Variants in FBXL13 observed in about 807,000 individuals in gnomAD.
FBXL13 encodes F-box and leucine rich repeat protein 13, also known as F-box and leucine-rich repeat protein 13.
Under a neutral mutation model 83.6 loss-of-function variants are expected in FBXL13, and 67 were observed. The observed-to-expected ratio is 0.80, with a 90% CI of 0.66 to 0.98. FBXL13 has a LOEUF of 0.98. Among genes scored for constraint, FBXL13 ranks in the 50% least tolerant of loss-of-function variants. The pLI is 0.00. For missense variants in FBXL13, 822 were observed against 866.5 expected, an observed-to-expected ratio of 0.95 and a Z score of 0.64; for synonymous variants, 272 against 299.5, an observed-to-expected ratio of 0.91 and a Z score of 0.95.
rs1250897234 is a variant in FBXL13 at position 102,813,359 on chromosome 7, C to T, written c.2191G>A (p.Glu731Lys). 1.9e-6 allele frequency: 3 copies of T among 1,612,550 alleles called. No homozygotes were observed. In the African/African-American group the frequency reaches 4.0e-5, roughly 22 times the overall value. ...GCTGAAGGTCACGCTGCTTGGTCTTCACTGCTGTATGTTGACTTTTTCACT... is the reference window on the plus strand; with the variant it reads ...GCTGAAGGTCACGCTGCTTGGTCTTTACTGCTGTATGTTGACTTTTTCACT... Residue 731 changes from glutamate (E) to lysine (K), a missense_variant, in exon 20 of 20, where the codon GAA becomes AAA. Coordinates refer to ENST00000313221, the Ensembl canonical transcript of FBXL13.
rs1338626549 is a variant in FBXL13 at position 102,854,762 on chromosome 7, T to C, written c.1719+15A>G. 6.9e-7 allele frequency: 1 copy of C among 1,457,924 alleles called. No individual in the cohort carries two copies. Among genetic ancestry groups the C allele is most frequent in the Non-Finnish European group, 9.4e-7 (1 of 1,069,472 alleles). The allele number at this position is 1,457,924 out of a possible 1,614,324, so 90.3% of individuals were successfully genotyped here. ...TCAATCTTAATTCTTTAACAGATGA[T>C]CTTAATGATCTTACCTGAATTCCAT... On this transcript the variant is annotated intron_variant, in intron 17 of 19. Coordinates refer to ENST00000313221, the Ensembl canonical transcript of FBXL13.
intron 1 of FBXL13, among the ~76,000 whole-genome samples, chr7:103,063,209 T>C (rs1292094616): frequency 6.6e-6 from 1 of 152,152 alleles, no homozygotes; most frequent in Non-Finnish European, 1.5e-5. Context: ...GGGTCCTGCA[T>C]CCATAGATTC....
At chr7:103,051,543 T>C (rs1049782898) in intron 2 of FBXL13, among the ~76,000 whole-genome samples, 5 of 152,196 alleles carry the variant, frequency 3.3e-5, no homozygotes, top group African/African-American at 1.2e-4. Context: ...ACCTTGTTTG[T>C]TCAGTTCACT....
At chr7:102,971,981 G>A (rs1826736695) in intron 6 of FBXL13, among the ~76,000 whole-genome samples, 1 of 151,000 alleles carries the variant, frequency 6.6e-6, no homozygotes, top group African/African-American at 2.4e-5. Flanking sequence ...AGCCAAGATT[G>A]TGCCACTGCA....
intron 6 of FBXL13, among the ~76,000 whole-genome samples, chr7:103,017,793 A>C (rs993440888): frequency 6.6e-6 from 1 of 152,210 alleles, no homozygotes; most frequent in African/African-American, 2.4e-5. Flanking sequence ...GTAAAAAGAA[A>C]TGAACAAAGC....
At chr7:102,916,875 T>C (rs1220673580) in intron 10 of FBXL13, among the ~76,000 whole-genome samples, 1 of 152,204 alleles carries the variant, frequency 6.6e-6, no homozygotes. Context: ...TTACAATTCT[T>C]ATAGAAACTA....
At chr7:102,931,824 C>T (rs1819230653) in intron 9 of FBXL13, 57 bp downstream of exon 10, 4 of 1,509,642 alleles carry the variant, frequency 2.6e-6, no homozygotes, top group Non-Finnish European at 3.7e-6. Flanking sequence ...ATATTGGCAC[C>T]CCAATGTAGC....
intron 19 of FBXL13, chr7:102,814,365 T>G (rs894314592): frequency 1.3e-5 from 2 of 152,204 alleles, no homozygotes; most frequent in Admixed American, 6.5e-5. Context: ...GTCTGGAAAC[T>G]GAGTCATTGA....
rs190837113 is a variant in FBXL13 at position 103,023,056 on chromosome 7, C to G, written c.495+2007G>C. 3.3e-5 allele frequency among the ~76,000 whole-genome samples: 5 copies of G among 152,256 alleles called. No individual in the cohort carries two copies. The East Asian group carries it at 9.6e-4, about 29-fold the overall frequency. ...CTTTGGGAGGCCGAGGCGGGTGGAT[C>G]ACGAGGTCAGGAGATCGAGACCATC... On this transcript the variant is annotated intron_variant, in intron 6 of 19. Transcript: ENST00000313221.
At chr7:102,869,446 T>C (rs1006732497) in intron 16 of FBXL13, among the ~76,000 whole-genome samples, 8 of 152,216 alleles carry the variant, frequency 5.3e-5, no homozygotes, top group Admixed American at 3.3e-4. Flanking sequence ...ACTCTGCTGT[T>C]TCCTTTGCTG....
chr7:102,970,618 A>G (rs985022626), intron 6 of FBXL13, among the ~76,000 whole-genome samples: 3 of 152,196 alleles, frequency 2.0e-5, no homozygotes, highest in African/African-American at 4.8e-5. Context: ...CAAGCTCCCA[A>G]TCAAAAACTG....
chr7:102,876,951 G>A (rs527413711), intron 16 of FBXL13, among the ~76,000 whole-genome samples: 1 of 152,260 alleles, frequency 6.6e-6, no homozygotes, highest in Non-Finnish European at 1.5e-5. Context: ...AGTAAATGGG[G>A]CAGTCCCAGA....
chr7:102,926,490 T>C (rs1818162862), intron 9 of FBXL13, 116 bp from the exon 11 acceptor site: 1 of 719,252 alleles, frequency 1.4e-6, no homozygotes. Context: ...TAAGAGTTGG[T>C]TTCTTCATAT....
intron 6 of FBXL13, among the ~76,000 whole-genome samples, chr7:103,007,871 C>G (rs1791147712): frequency 6.6e-6 from 1 of 152,082 alleles, no homozygotes; most frequent in Non-Finnish European, 1.5e-5. Flanking sequence ...GAAAGGATAT[C>G]CAATCAGTGG....
At chr7:102,915,731 A>T (rs994965120) in intron 10 of FBXL13, among the ~76,000 whole-genome samples, 4 of 110,828 alleles carry the variant, frequency 3.6e-5, no homozygotes, top group Non-Finnish European at 3.4e-5. Flanking sequence ...ATTACCAAAT[A>T]AAAAAACATT....
intron 16 of FBXL13, among the ~76,000 whole-genome samples, chr7:102,860,960 A>G (rs1806724252): frequency 6.6e-6 from 1 of 151,500 alleles, no homozygotes; most frequent in Admixed American, 6.6e-5. Context: ...TTATATACAT[A>G]TGCATAGTTT....
At chr7:103,009,309 A>G (rs1791333827) in intron 6 of FBXL13, among the ~76,000 whole-genome samples, 1 of 152,042 alleles carries the variant, frequency 6.6e-6, no homozygotes, top group African/African-American at 2.4e-5. Flanking sequence ...CAGGCCAACC[A>G]TCTGAGAAAC....
At chr7:103,064,504 G>C (rs1798212295) in intron 1 of FBXL13, among the ~76,000 whole-genome samples, 1 of 152,208 alleles carries the variant, frequency 6.6e-6, no homozygotes, top group South Asian at 2.1e-4. Flanking sequence ...CAGTAATTGA[G>C]ATCCACTTAC....
At chr7:102,836,892 T>C (rs1443782355) in intron 17 of FBXL13, among the ~76,000 whole-genome samples, 1 of 152,238 alleles carries the variant, frequency 6.6e-6, no homozygotes, top group Non-Finnish European at 1.5e-5. Flanking sequence ...TGCATACTCA[T>C]AACACCATCT....
Sources: allele counts gnomAD v4.1 joint callset (sites outside exome capture counted in the v4.1 genomes callset), GRCh38; gene constraint gnomAD v4.1.1; transcripts MANE v1.5; gene names NCBI Gene and HGNC (gene_info 2026-07-23, HGNC 2026-07-21).